Variants in FAM241A observed in about 807,000 individuals in gnomAD.
FAM241A encodes the protein family with sequence similarity 241 member A.
FAM241A carries 7 observed loss-of-function variants against 12.2 expected under a neutral mutation model. The ratio of observed to expected loss-of-function variants is 0.58; its 90% CI spans 0.33 to 1.08. The LOEUF is 1.08. Among genes scored for constraint, FAM241A ranks in the 50% least tolerant of loss-of-function variants. The pLI is 0.04. For synonymous variants in FAM241A, 74 were observed against 68.2 expected (o/e 1.08, Z -0.42); for missense variants, 161 against 169.7 (o/e 0.95, Z 0.29).
chr4:112,179,936 T>C (rs1459146155), intron 1 of FAM241A, among the ~76,000 whole-genome samples: 1 of 128,548 alleles, frequency 7.8e-6, no homozygotes, highest in East Asian at 3.0e-4. Context: ...TATATATATA[T>C]ATGTATATGT....
chr4:112,173,092 T>G (rs1310202000), intron 1 of FAM241A, among the ~76,000 whole-genome samples: 1 of 152,164 alleles, frequency 6.6e-6, no homozygotes, highest in Non-Finnish European at 1.5e-5. Context: ...TCTCACTATG[T>G]TGCCCAGGCT....
intron 1 of FAM241A, among the ~76,000 whole-genome samples, chr4:112,163,188 C>T (rs184919407): frequency 2.0e-5 from 3 of 152,296 alleles, no homozygotes; most frequent in Admixed American, 2.0e-4. Context: ...AAATATTAGA[C>T]CTAAAACCAT....
In FAM241A at chr4:112,194,275, A is replaced by ACAATCATG. The variant is rs1162353819; in HGVS notation, c.*7338_*7345dup. 6 of 151,584 alleles carry ACAATCATG rather than the reference A, an allele frequency of 4.0e-5. No homozygotes were observed. The highest frequency in any genetic ancestry group is 1.5e-4 in the African/African-American group (6 of 41,238). The allele number at this position is 151,584 out of a possible 1,614,324, so 9.4% of individuals were successfully genotyped here. ...TGAGACAATGGGGTTTTCTAGATAT[A>ACAATCATG]CAATCATGTCATCTGCAAACAGGGA... On this transcript the variant is annotated 3_prime_UTR_variant, in exon 2 of 2. Transcript: ENST00000309733.
At position 112,195,019 on chromosome 4, in the gene FAM241A, G is replaced by C. The variant is rs1162336083; in HGVS notation, c.*8081G>C. On this transcript the variant is annotated 3_prime_UTR_variant, in exon 2 of 2. Transcript: ENST00000309733. ...AATCGCTTGACCTCATGATCCGCCCGCCTCGGCCTCCCAAAGTGCTGGGAT... is the reference window on the plus strand; with the variant it reads ...AATCGCTTGACCTCATGATCCGCCCCCCTCGGCCTCCCAAAGTGCTGGGAT... The C allele has an allele frequency of 6.6e-6, 1 of 152,098 alleles. No homozygotes were observed. The allele number at this position is 152,098 out of a possible 1,614,324, so 9.4% of individuals were successfully genotyped here.
At position 112,186,764 on chromosome 4, in the gene FAM241A, T is replaced by C; in HGVS notation, c.225T>C (p.Phe75=). 1 of 1,614,060 alleles carries C rather than the reference T, an allele frequency of 6.2e-7. No homozygotes were observed. The highest frequency in any genetic ancestry group is 8.5e-7 in the Non-Finnish European group (1 of 1,179,972). The change falls in exon 2 of 2, where the codon TTT becomes TTC. Residue 75 remains phenylalanine (F), a synonymous_variant. Coordinates refer to ENST00000309733, the MANE Select transcript of FAM241A (RefSeq NM_152400.3). ...GDDYKKMGTL[F]GELNKNLINM... is the part of the protein sequence containing the mutation. ...ACTACAAGAAAATGGGAACACTTTT[T>C]GGTGAACTGAACAAAAACCTTATCA... is the stretch of plus-strand genomic sequence containing the variant.
At chr4:112,146,930 C>T (rs1723150128) in intron 1 of FAM241A, among the ~76,000 whole-genome samples, 1 of 152,168 alleles carries the variant, frequency 6.6e-6, no homozygotes, top group East Asian at 1.9e-4. Flanking sequence ...GTGGTTTTTC[C>T]CGTTAACTAT....
chr4:112,186,968 TG>T lies in FAM241A; in HGVS notation c.*32del. On this transcript the variant is annotated 3_prime_UTR_variant, in exon 2 of 2. Coordinates refer to ENST00000309733, the MANE Select transcript of FAM241A (RefSeq NM_152400.3). ...TGGCCGAATTGAATTGTTTGACATT[TG>T]GTAGCCATATATGTAATTGAAGAAG... 6.2e-7 allele frequency: 1 copy of T among 1,602,006 alleles called. No homozygotes were observed. Among genetic ancestry groups the T allele is most frequent in the Non-Finnish European group, 8.5e-7 (1 of 1,172,886 alleles).
At chr4:112,166,805 A>G (rs1723603878) in intron 1 of FAM241A, among the ~76,000 whole-genome samples, 1 of 152,090 alleles carries the variant, frequency 6.6e-6, no homozygotes, top group Non-Finnish European at 1.5e-5. Context: ...AATTACAAGG[A>G]TTTTTTTCTG....
At chr4:112,178,325 A>G (rs993307461) in intron 1 of FAM241A, among the ~76,000 whole-genome samples, 2 of 152,184 alleles carry the variant, frequency 1.3e-5, no homozygotes, top group Non-Finnish European at 2.9e-5. Flanking sequence ...CTGATTTCAC[A>G]TGGGTTCTTA....
At chr4:112,185,771 C>T (rs61568700) in intron 1 of FAM241A, among the ~76,000 whole-genome samples, 66,713 of 152,036 alleles carry the variant, frequency 0.44, 15,158 homozygotes, top group East Asian at 0.62. Context: ...ATTGGTTCTA[C>T]AAGTGTTGGA....
intron 1 of FAM241A, among the ~76,000 whole-genome samples, chr4:112,153,736 A>C (rs905345590): frequency 1.3e-5 from 2 of 152,134 alleles, no homozygotes; most frequent in East Asian, 3.8e-4. Flanking sequence ...GATTGGCTTT[A>C]TTTCTTGCTG....
chr4:112,151,469 A>G (rs868143083), intron 1 of FAM241A, among the ~76,000 whole-genome samples: 4 of 152,180 alleles, frequency 2.6e-5, no homozygotes, highest in Non-Finnish European at 4.4e-5. Flanking sequence ...AAACTGACAC[A>G]AGTATTCCTC....
chr4:112,187,676 C>G lies in FAM241A; in HGVS notation c.*738C>G, dbSNP rs1724074512. On this transcript the variant is annotated 3_prime_UTR_variant, in exon 2 of 2. Coordinates refer to ENST00000309733, the MANE Select transcript of FAM241A (RefSeq NM_152400.3). ...TACTTTTTGTGAGTTTTTAAAGTCT[C>G]ATAGCCTAGTTGACTGCACCCTATG... The G allele has an allele frequency of 6.6e-6, 1 of 152,516 alleles. No individual in the cohort carries two copies. The highest frequency in any genetic ancestry group is 2.4e-5 in the African/African-American group (1 of 41,436). The allele number at this position is 152,516 out of a possible 1,614,324, so 9.4% of individuals were successfully genotyped here.
chr4:112,166,847 G>T (rs1350226499), intron 1 of FAM241A, among the ~76,000 whole-genome samples: 4 of 152,040 alleles, frequency 2.6e-5, no homozygotes, highest in Non-Finnish European at 5.9e-5. Context: ...GGGCGCGGTG[G>T]CTCACGCCTG....
At position 112,187,883 on chromosome 4, in the gene FAM241A, G is replaced by A. The variant is rs577873674; in HGVS notation, c.*945G>A. 1.3e-5 allele frequency: 2 copies of A among 151,390 alleles called. No homozygotes were observed. Among genetic ancestry groups the A allele is most frequent in the African/African-American group, 4.9e-5 (2 of 41,186 alleles). 9.4% of individuals were successfully genotyped at this position (151,390 alleles called of 1,614,324 possible). A position where few individuals can be genotyped will look rare whatever the true frequency, so the allele number is the denominator to read the frequency against. ...TTTCACAAAAAATTTGTATTTTACT[G>A]TTGTTTTCAGGAAAAAAATCAGATC... On this transcript the variant is annotated 3_prime_UTR_variant, in exon 2 of 2. Coordinates refer to ENST00000309733, the MANE Select transcript of FAM241A (RefSeq NM_152400.3).
At position 112,188,857 on chromosome 4, in the gene FAM241A, A is replaced by G. The variant is rs747170194; in HGVS notation, c.*1919A>G. 1.3e-5 allele frequency: 2 copies of G among 152,164 alleles called. No homozygotes were observed. The highest frequency in any genetic ancestry group is 2.9e-5 in the Non-Finnish European group (2 of 68,018). The allele number at this position is 152,164 out of a possible 1,614,324, so 9.4% of individuals were successfully genotyped here. ...TACTGTCAGTACTGTACATCTGCACACTGGTGTTAATAGGGTATATATTAA... is the reference window on the plus strand; with the variant it reads ...TACTGTCAGTACTGTACATCTGCACGCTGGTGTTAATAGGGTATATATTAA... On this transcript the variant is annotated 3_prime_UTR_variant, in exon 2 of 2. Coordinates refer to ENST00000309733, the MANE Select transcript of FAM241A (RefSeq NM_152400.3).
At chr4:112,171,385 G>A (rs1050757321) in intron 1 of FAM241A, 10 of 765,486 alleles carry the variant, frequency 1.3e-5, no homozygotes, top group South Asian at 5.4e-5. Context: ...CCAATTTTCT[G>A]GAAATAAAAC....
In FAM241A at chr4:112,192,456, A is replaced by G. The variant is rs1170614359; in HGVS notation, c.*5518A>G. 2 of 150,646 alleles carry G rather than the reference A, an allele frequency of 1.3e-5. No homozygotes were observed. Among genetic ancestry groups the G allele is most frequent in the Non-Finnish European group, 3.0e-5 (2 of 67,660 alleles). The allele number at this position is 150,646 out of a possible 1,614,324, so 9.3% of individuals were successfully genotyped here. A position where few individuals can be genotyped will look rare whatever the true frequency, so the allele number is the denominator to read the frequency against. On this transcript the variant is annotated 3_prime_UTR_variant, in exon 2 of 2. Coordinates refer to ENST00000309733, the MANE Select transcript of FAM241A (RefSeq NM_152400.3). ...AGTGTGCTGCACCCATTAACTCGTC[A>G]TTTAGCATTAGGTATATCTCCTAAT...
At chr4:112,153,595 A>G (rs1723290793) in intron 1 of FAM241A, among the ~76,000 whole-genome samples, 1 of 152,178 alleles carries the variant, frequency 6.6e-6, no homozygotes, top group Admixed American at 6.5e-5. Flanking sequence ...CGAGTTTCTA[A>G]CCAACCTGAT....
Sources: allele counts gnomAD v4.1 joint callset (sites outside exome capture counted in the v4.1 genomes callset), GRCh38; gene constraint gnomAD v4.1.1; transcripts MANE v1.5; gene names NCBI Gene and HGNC (gene_info 2026-07-23, HGNC 2026-07-21).